Variants in HPSE2 observed in about 807,000 individuals in gnomAD.
HPSE2 encodes the protein heparanase 2 (inactive).
In HPSE2, 38 loss-of-function variants were observed where a neutral mutation model predicts 60.5. The observed-to-expected ratio is 0.63, with a 90% CI of 0.48 to 0.82. The LOEUF (loss-of-function observed/expected upper bound fraction) is 0.82, where lower values mean the gene tolerates loss of function less well. HPSE2 is among the 40% of genes least tolerant of loss of function. The pLI is 0.00. For missense variants in HPSE2, 713 were observed against 740.4 expected, an observed-to-expected ratio of 0.96 and a Z score of 0.43; for synonymous variants, 295 against 293.2, an observed-to-expected ratio of 1.01 and a Z score of -0.06.
chr10:99,259,070 C>A, the HPSE2 span, among the ~76,000 whole-genome samples: 1 of 152,162 alleles, frequency 6.6e-6, no homozygotes, highest in Non-Finnish European at 1.5e-5. Context: ...CTTTGGGAGG[C>A]TGATGTGGGT....
intron 6 of HPSE2, among the ~76,000 whole-genome samples, chr10:98,672,611 G>T (rs1461174047): frequency 2.0e-5 from 3 of 152,192 alleles, no homozygotes; most frequent in African/African-American, 7.2e-5. Context: ...TCAAAGAGAG[G>T]AGAAAGTGGA....
intron 3 of HPSE2, among the ~76,000 whole-genome samples, chr10:99,132,825 G>C (rs889455008): frequency 6.6e-6 from 1 of 152,144 alleles, no homozygotes; most frequent in Admixed American, 6.5e-5. Context: ...GGCAGATAAC[G>C]AATTAGGTGC....
chr10:99,073,460 C>T (rs1842862332), intron 3 of HPSE2, among the ~76,000 whole-genome samples: 2 of 152,004 alleles, frequency 1.3e-5, no homozygotes, highest in Admixed American at 6.6e-5. Flanking sequence ...GAACAACATA[C>T]ACTGGGGCCT....
chr10:98,957,650 T>A (rs1955544061), intron 3 of HPSE2, among the ~76,000 whole-genome samples: 1 of 152,164 alleles, frequency 6.6e-6, no homozygotes, highest in South Asian at 2.1e-4. Flanking sequence ...ATAGCTCTAT[T>A]AATAACGTGG....
intron 9 of HPSE2, among the ~76,000 whole-genome samples, chr10:98,548,441 AC>A (rs1041282766): frequency 9.9e-5 from 15 of 152,042 alleles, no homozygotes; most frequent in African/African-American, 3.6e-4. Flanking sequence ...ACATAGTGAA[AC>A]CCAGTCTCTA....
At chr10:98,680,839 T>TCC (rs1444326022) in intron 6 of HPSE2, among the ~76,000 whole-genome samples, 3 of 152,124 alleles carry the variant, frequency 2.0e-5, no homozygotes, top group Non-Finnish European at 2.9e-5. Flanking sequence ...CACTGTAACC[T>TCC]CCGCCTCCTG....
chr10:99,234,100 G>C (rs530502026), intron 1 of HPSE2, among the ~76,000 whole-genome samples: 2 of 152,306 alleles, frequency 1.3e-5, no homozygotes, highest in East Asian at 3.9e-4. Context: ...ACATTCGGAC[G>C]AGCTCATAGA....
At chr10:98,479,719 C>T (rs1464204299) in intron 11 of HPSE2, among the ~76,000 whole-genome samples, 1 of 152,208 alleles carries the variant, frequency 6.6e-6, no homozygotes, top group Admixed American at 6.5e-5. Context: ...GAATTAGTGG[C>T]AGGATCAGGG....
chr10:98,627,875 A>G (rs1030994925), intron 7 of HPSE2, among the ~76,000 whole-genome samples: 1 of 152,246 alleles, frequency 6.6e-6, no homozygotes, highest in African/African-American at 2.4e-5. Flanking sequence ...GTAATAGCCC[A>G]GATGCATGCT....
intron 3 of HPSE2, among the ~76,000 whole-genome samples, chr10:98,755,055 G>A (rs146938908): frequency 1.3e-5 from 2 of 151,898 alleles, no homozygotes; most frequent in Non-Finnish European, 2.9e-5. Flanking sequence ...TCAGCTAAAC[G>A]CCCCACAAAA....
rs570536694 is a variant in HPSE2 at position 98,600,429 on chromosome 10, A to G, written c.1320+14475T>C. Among the ~76,000 whole-genome samples, 8 of 152,300 alleles carry G rather than the reference A, an allele frequency of 5.3e-5. No homozygotes were observed. In the South Asian group the frequency reaches 1.0e-3, roughly 20 times the overall value. On this transcript the variant is annotated intron_variant, in intron 9 of 11. Transcript: ENST00000370552. ...AATGGAGATGTTGGGGAAGGTAATT[A>G]TAAGTGTTGAAGAAATCCAATCATA... is the stretch of plus-strand genomic sequence containing the variant.
intron 3 of HPSE2, among the ~76,000 whole-genome samples, chr10:98,763,428 C>G (rs1368846359): frequency 6.6e-6 from 1 of 151,604 alleles, no homozygotes; most frequent in Non-Finnish European, 1.5e-5. Context: ...CTGATTAAAT[C>G]CAAGTATAAA....
At chr10:98,664,071 T>G (rs539224938) in intron 6 of HPSE2, among the ~76,000 whole-genome samples, 1 of 152,168 alleles carries the variant, frequency 6.6e-6, no homozygotes, top group African/African-American at 2.4e-5. Flanking sequence ...CTGCCACTGC[T>G]TGAACTCTGC....
At chr10:99,013,060 C>T in intron 3 of HPSE2, 2 of 544,036 alleles carry the variant, frequency 3.7e-6, no homozygotes, top group Non-Finnish European at 6.9e-6. Context: ...AAGTTTAGCA[C>T]TTCATTTATA....
chr10:99,230,076 T>C (rs575076524), intron 2 of HPSE2, among the ~76,000 whole-genome samples: 20 of 152,308 alleles, frequency 1.3e-4, no homozygotes, highest in African/African-American at 4.6e-4. Context: ...CAAATACTGA[T>C]ATAGTTCAGA....
the HPSE2 span, among the ~76,000 whole-genome samples, chr10:99,285,603 T>C: frequency 5.3e-4 from 80 of 151,154 alleles, no homozygotes; most frequent in Non-Finnish European, 6.9e-4. Context: ...AAATGGGTGA[T>C]GGACTTGAAT....
At chr10:98,826,852 T>C (rs1041057363) in intron 3 of HPSE2, among the ~76,000 whole-genome samples, 5 of 152,084 alleles carry the variant, frequency 3.3e-5, no homozygotes, top group East Asian at 1.9e-4. Context: ...ACTGCACAAA[T>C]TGAACACTTA....
intron 9 of HPSE2, among the ~76,000 whole-genome samples, chr10:98,613,891 C>T (rs1945826835): frequency 6.6e-6 from 1 of 152,122 alleles, no homozygotes; most frequent in South Asian, 2.1e-4. Context: ...AAAGGATAAC[C>T]CGTGTAATAT....
Position 99,031,258 on chromosome 10 carries a change from C to A in HPSE2, c.610+112980G>T, listed in dbSNP as rs543302999. 3.1e-4 allele frequency among the ~76,000 whole-genome samples: 47 copies of A among 152,214 alleles called. 1 individual carries two copies. The South Asian group carries it at 7.9e-3, about 26-fold the overall frequency. ...AAACATCTCATGTACCCCAAAAATA[C>A]ATATACCTACCATGTACCCACAAAA... On this transcript the variant is annotated intron_variant, in intron 3 of 11. Coordinates refer to ENST00000370552, the MANE Select transcript of HPSE2 (RefSeq NM_021828.5).
Sources: gnomAD v4.1 joint callset for allele counts (sites outside exome capture counted in the v4.1 genomes callset) on GRCh38, gnomAD v4.1.1 for gene constraint, MANE v1.5 for transcripts, NCBI Gene and HGNC (gene_info 2026-07-23, HGNC 2026-07-21) for gene names.